Variants in CSF2RA observed in about 807,000 individuals in gnomAD.
CSF2RA encodes the protein granulocyte-macrophage colony-stimulating factor receptor subunit alpha.
A neutral mutation model predicts 51.6 loss-of-function variants in CSF2RA; 42 were observed. That is an observed-to-expected ratio of 0.81 (90% CI 0.64 to 1.05). CSF2RA has a LOEUF of 1.05. Ranked by LOEUF, CSF2RA falls within the 50% of genes least tolerant of loss-of-function variation. CSF2RA has a pLI of 0.00. For synonymous variants in CSF2RA, 222 were observed against 193.0 expected, an observed-to-expected ratio of 1.15 and a Z score of -1.24; for missense variants, 530 against 501.1, an observed-to-expected ratio of 1.06 and a Z score of -0.55.
intron 2 of CSF2RA, among the ~76,000 whole-genome samples, chrX:1,281,234 A>ACTCCTCCTTCTCCTC (rs2090012488): frequency 1.0e-4 from 3 of 30,086 alleles, no homozygotes; most frequent in African/African-American, 1.3e-4. Context: ...TCCTTCTCCT[A>ACTCCTCCTTCTCCTC]CTCCTCCTTC....
intron 8 of CSF2RA, among the ~76,000 whole-genome samples, chrX:1,294,737 C>T (rs2091749299): frequency 6.6e-6 from 1 of 151,916 alleles, no homozygotes; most frequent in East Asian, 1.9e-4. Context: ...GACGATGCCA[C>T]AAGCAAGGAG....
the CSF2RA span, among the ~76,000 whole-genome samples, chrX:1,315,536 TGAG>T: frequency 6.6e-6 from 1 of 152,112 alleles, no homozygotes. Context: ...CTTGAGTAGC[TGAG>T]ATTACACGTG....
the CSF2RA span, among the ~76,000 whole-genome samples, chrX:1,322,686 G>A: frequency 1.3e-5 from 2 of 151,748 alleles, no homozygotes; most frequent in Admixed American, 6.6e-5. Context: ...TGGACAGAGC[G>A]ACGTCCTTCC....
At chrX:1,301,154 A>G (rs774931404) in intron 10 of CSF2RA, among the ~76,000 whole-genome samples, 1,452 of 144,316 alleles carry the variant, frequency 0.01, 25 homozygotes, top group African/African-American at 0.035. Context: ...CTCCGTCTCA[A>G]AAAAAAAAAG....
At chrX:1,292,393 G>A (rs2091491576) in intron 7 of CSF2RA, among the ~76,000 whole-genome samples, 1 of 152,152 alleles carries the variant, frequency 6.6e-6, no homozygotes, top group Non-Finnish European at 1.5e-5. Context: ...AAAGAACAGT[G>A]AGCCCAGGGG....
chrX:1,313,279 A>G (rs1488829710), downstream of CSF2RA, among the ~76,000 whole-genome samples: 1 of 151,634 alleles, frequency 6.6e-6, no homozygotes, highest in Admixed American at 6.6e-5. Flanking sequence ...AAAAAAAAAA[A>G]TAAAAAAAGC....
downstream of CSF2RA, among the ~76,000 whole-genome samples, chrX:1,311,654 C>G: frequency 6.6e-6 from 1 of 151,806 alleles, no homozygotes; most frequent in Non-Finnish European, 1.5e-5. Context: ...CCTTGTTGGT[C>G]AGGCTGGTCT....
intron 2 of CSF2RA, among the ~76,000 whole-genome samples, chrX:1,275,075 C>A (rs1177877130): frequency 7.5e-6 from 1 of 132,758 alleles, no homozygotes; most frequent in Admixed American, 8.3e-5. Flanking sequence ...GCAGAAGAGA[C>A]GCATGAACCT....
the CSF2RA span, among the ~76,000 whole-genome samples, chrX:1,315,863 A>G: frequency 6.9e-6 from 1 of 144,730 alleles, no homozygotes; most frequent in South Asian, 2.1e-4. Flanking sequence ...TAGATGGATG[A>G]ATGGATAGAT....
chrX:1,320,754 GC>G, the CSF2RA span, among the ~76,000 whole-genome samples: 1 of 145,998 alleles, frequency 6.8e-6, no homozygotes, highest in Non-Finnish European at 1.5e-5. Flanking sequence ...CTTGTGATCC[GC>G]CCGCCTCAGC....
chrX:1,303,337 G>C, intron 10 of CSF2RA: 1 of 426,116 alleles, frequency 2.3e-6, no homozygotes. Context: ...CCAGGCTCAA[G>C]CGATTCTCCT....
intron 10 of CSF2RA, 39 bp from the exon 11 acceptor site, chrX:1,303,884 A>C (rs2083269197): frequency 6.7e-7 from 1 of 1,501,906 alleles, no homozygotes; most frequent in Non-Finnish European, 9.3e-7. Context: ...CATGTCCGTC[A>C]ACGATTCACC....
chrX:1,305,712 T>C, intron 12 of CSF2RA, 185 bp downstream of exon 12: 4 of 1,555,438 alleles, frequency 2.6e-6, no homozygotes, highest in Non-Finnish European at 3.5e-6. Flanking sequence ...TTCTCCAAGG[T>C]TGGGGTCAGA....
At chrX:1,287,672 G>C (rs111627943) in intron 4 of CSF2RA, among the ~76,000 whole-genome samples, 2 of 136,638 alleles carry the variant, frequency 1.5e-5, no homozygotes, top group African/African-American at 2.8e-5. Flanking sequence ...TTGAACTCCT[G>C]ACCTCAAGTG....
At chrX:1,290,618 A>G (rs1355285573) in intron 7 of CSF2RA, 109 bp downstream of exon 7, 18 of 1,144,682 alleles carry the variant, frequency 1.6e-5, no homozygotes, top group Non-Finnish European at 2.1e-5. Flanking sequence ...TAATCTCAGC[A>G]CTTTGGGAGG....
At position 1,300,576 on chromosome X, in the gene CSF2RA, C is replaced by G; in HGVS notation, c.896C>G (p.Ala299Gly). Residue 299 changes from alanine (A) to glycine (G), a missense_variant, in exon 10 of 13, where the codon GCA becomes GGA. Transcript: ENST00000381529. ...AAACACAGTGTGAAGATCAGAGCTGCAGACGTCCGCATCTTGAATTGGAGC... is the reference window on the plus strand; with the variant it reads ...AAACACAGTGTGAAGATCAGAGCTGGAGACGTCCGCATCTTGAATTGGAGC... ...RAKHSVKIRA[A>G]DVRILNWSSW... is the part of the protein sequence containing the mutation. 6.2e-7 allele frequency: 1 copy of G among 1,613,928 alleles called. No individual in the cohort carries two copies. Among genetic ancestry groups the G allele is most frequent in the Admixed American group, 1.7e-5 (1 of 59,986 alleles).
intron 2 of CSF2RA, among the ~76,000 whole-genome samples, chrX:1,276,770 C>T (rs1466294157): frequency 6.6e-6 from 1 of 151,976 alleles, no homozygotes; most frequent in Non-Finnish European, 1.5e-5. Context: ...TTCCCACAGT[C>T]TTGTCTGGGG....
chrX:1,278,425 G>T lies in CSF2RA; in HGVS notation c.-27+3607G>T, dbSNP rs181035920. 5.9e-4 allele frequency among the ~76,000 whole-genome samples: 88 copies of T among 150,152 alleles called. 1 individual carries two copies. The highest frequency in any genetic ancestry group is 1.9e-3 in the African/African-American group (78 of 40,822). On this transcript the variant is annotated intron_variant, in intron 2 of 12. Transcript: ENST00000381529. ...CCAGAGGCCAGGTGCAGTGGCTCAT[G>T]CCTATAATCCCAGCACTTTGGGAGC... is the stretch of plus-strand genomic sequence containing the variant.
intron 9 of CSF2RA, among the ~76,000 whole-genome samples, chrX:1,298,828 C>T (rs1440062053): frequency 2.0e-5 from 3 of 151,998 alleles, no homozygotes; most frequent in Non-Finnish European, 2.9e-5. Flanking sequence ...GAGGAGACCC[C>T]ACCTCACCTC....
Sources: allele counts gnomAD v4.1 joint callset (sites outside exome capture counted in the v4.1 genomes callset), GRCh38; gene constraint gnomAD v4.1.1; transcripts MANE v1.5; gene names NCBI Gene and HGNC (gene_info 2026-07-23, HGNC 2026-07-21).